The following DEUP1 variants were observed in gnomAD, a reference collection of about 807,000 sequenced individuals.
The protein encoded by DEUP1 is deuterosome assembly protein 1, also known as coiled-coil domain containing 67.
A neutral mutation model predicts 87.4 loss-of-function variants in DEUP1; 82 were observed. The observed-to-expected ratio is 0.94, with a 90% confidence interval of 0.78 to 1.13. DEUP1 has a LOEUF of 1.13. Ranked by LOEUF, DEUP1 falls within the 50% of genes most tolerant of loss-of-function variation. The pLI, the probability that DEUP1 is intolerant of heterozygous loss-of-function variation, is 0.00. For missense variants in DEUP1, 663 were observed against 681.5 expected (o/e 0.97, Z 0.30); for synonymous variants, 214 against 222.7 (o/e 0.96, Z 0.35).
At chr11:93,351,264 G>A (rs1180261957) in intron 2 of DEUP1, among the ~76,000 whole-genome samples, 1 of 151,982 alleles carries the variant, frequency 6.6e-6, no homozygotes, top group Admixed American at 6.6e-5. Flanking sequence ...TATTGATTGA[G>A]TAGATTACAT....
intron 2 of DEUP1, among the ~76,000 whole-genome samples, chr11:93,348,156 G>A (rs935949949): frequency 2.6e-5 from 4 of 152,096 alleles, no homozygotes; most frequent in Non-Finnish European, 2.9e-5. Context: ...ATTCTCTGAC[G>A]GTTATTTGTA....
chr11:93,364,519 T>A (rs538648535), intron 5 of DEUP1, among the ~76,000 whole-genome samples: 152 of 151,704 alleles, frequency 1.0e-3, no homozygotes, highest in Non-Finnish European at 1.9e-3. Context: ...ATCAGCATTT[T>A]GGGAGATTAA....
chr11:93,362,431 T>C (rs1945219700), intron 4 of DEUP1, among the ~76,000 whole-genome samples: 2 of 151,902 alleles, frequency 1.3e-5, no homozygotes, highest in African/African-American at 2.4e-5. Context: ...AAAGCAGATA[T>C]ATGAATGGCC....
intron 13 of DEUP1, among the ~76,000 whole-genome samples, chr11:93,415,676 G>C (rs1285090768): frequency 2.0e-5 from 3 of 151,550 alleles, no homozygotes; most frequent in Non-Finnish European, 2.9e-5. Flanking sequence ...CTGACTTTTA[G>C]CATTATCGAT....
chr11:93,376,473 GT>G (rs1946048025), intron 7 of DEUP1, among the ~76,000 whole-genome samples: 1 of 151,884 alleles, frequency 6.6e-6, no homozygotes, highest in African/African-American at 2.4e-5. Context: ...AATATCTCCT[GT>G]TTCATTTCTA....
chr11:93,385,247 AG>A (rs140986877), intron 7 of DEUP1, 150 bp from the exon 8 acceptor site: 196,166 of 747,186 alleles, frequency 0.26, 27,262 homozygotes, highest in South Asian at 0.39. Flanking sequence ...ACAAAAATGA[AG>A]GAATGGAATT....
At chr11:93,380,056 T>C (rs971377526) in intron 7 of DEUP1, among the ~76,000 whole-genome samples, 3 of 152,188 alleles carry the variant, frequency 2.0e-5, no homozygotes, top group African/African-American at 7.2e-5. Flanking sequence ...AATGCCTGGA[T>C]ACATGTTTGG....
intron 4 of DEUP1, among the ~76,000 whole-genome samples, chr11:93,362,695 G>C (rs1414126640): frequency 1.3e-5 from 2 of 151,696 alleles, no homozygotes; most frequent in Non-Finnish European, 3.0e-5. Context: ...TCCACTCCTA[G>C]GTATATACCC....
At chr11:93,345,060 CCATGTGTTCTCAT>C (rs2134176090) in intron 2 of DEUP1, among the ~76,000 whole-genome samples, 1 of 152,194 alleles carries the variant, frequency 6.6e-6, no homozygotes, top group South Asian at 2.1e-4. Context: ...TTCTATGTAT[CCATGTGTTCTCAT>C]CATTCAGCTC....
At chr11:93,372,519 C>T (rs1490806773) in intron 7 of DEUP1, among the ~76,000 whole-genome samples, 1 of 152,238 alleles carries the variant, frequency 6.6e-6, no homozygotes, top group South Asian at 2.1e-4. Flanking sequence ...ATTCCCCCAC[C>T]GTGCCACATC....
At chr11:93,407,988 A>G (rs1401030071) in intron 11 of DEUP1, among the ~76,000 whole-genome samples, 1 of 152,098 alleles carries the variant, frequency 6.6e-6, no homozygotes, top group Non-Finnish European at 1.5e-5. Context: ...GCACCATCCA[A>G]CAGTGGGGAT....
rs763762054 is a variant in DEUP1 at position 93,332,286 on chromosome 11, G to A, written c.27G>A (p.Met9Ile). The A allele has an allele frequency of 3.7e-6, 6 of 1,607,670 alleles. No individual in the cohort carries two copies. In the South Asian group the frequency reaches 4.5e-5, roughly 12 times the overall value. Residue 9 changes from methionine to isoleucine, a missense_variant and splice_region_variant, in exon 2 of 14, where the codon ATG becomes ATA. Transcript: ENST00000298050. MENQAHNTMGTSPCEAELQ... is the reference protein window; with the variant it reads MENQAHNTIGTSPCEAELQ... ...TGGAGAACCAAGCCCATAATACGATGGGGTAAGTGCTGAGAAATTTCTGTT... is the reference window on the plus strand; with the variant it reads ...TGGAGAACCAAGCCCATAATACGATAGGGTAAGTGCTGAGAAATTTCTGTT...
chr11:93,412,797 T>C (rs1947477300), intron 12 of DEUP1, among the ~76,000 whole-genome samples: 2 of 152,194 alleles, frequency 1.3e-5, no homozygotes, highest in Non-Finnish European at 2.9e-5. Context: ...GCAAATGTTA[T>C]AATTCTACTT....
intron 7 of DEUP1, among the ~76,000 whole-genome samples, chr11:93,383,921 G>A (rs1003316331): frequency 1.3e-5 from 2 of 152,146 alleles, no homozygotes; most frequent in African/African-American, 4.8e-5. Flanking sequence ...GTTATGAGTT[G>A]TGTAACTTTG....
chr11:93,395,263 C>T (rs984911284), intron 10 of DEUP1, among the ~76,000 whole-genome samples: 1 of 152,148 alleles, frequency 6.6e-6, no homozygotes, highest in Non-Finnish European at 1.5e-5. Flanking sequence ...ATCCCTTACT[C>T]ATGATCAAAT....
chr11:93,437,457 A>G (rs537615129), intron 13 of DEUP1, 86 bp from the exon 14 acceptor site: 2 of 964,986 alleles, frequency 2.1e-6, no homozygotes, highest in East Asian at 5.1e-5. Flanking sequence ...GTTTGACAGT[A>G]TGTCAGGGAT....
At chr11:93,396,630 C>A (rs1565333814) in intron 11 of DEUP1, among the ~76,000 whole-genome samples, 3 of 152,158 alleles carry the variant, frequency 2.0e-5, no homozygotes, top group African/African-American at 7.2e-5. Context: ...TCCTATGTGG[C>A]CTGATTCAAG....
chr11:93,395,135 A>C (rs1946900812), intron 10 of DEUP1, among the ~76,000 whole-genome samples: 1 of 152,216 alleles, frequency 6.6e-6, no homozygotes, highest in African/African-American at 2.4e-5. Flanking sequence ...CATGCAGTCA[A>C]TGCACAGCAT....
rs113668753 is a variant in DEUP1, at chr11:93,402,292, A to G, written c.1327-5939A>G. Among the ~76,000 whole-genome samples the G allele has an allele frequency of 3.3e-3, 509 of 152,218 alleles. 1 individual carries two copies. Among genetic ancestry groups the G allele is most frequent in the African/African-American group, 0.012 (486 of 41,570 alleles). On this transcript the variant is annotated intron_variant, in intron 11 of 13. Transcript: ENST00000298050. ...CTAATCATCAGAGAAACGCAAATCA[A>G]AACCGCAATCAGATATCATCACATT...
Sources: allele counts gnomAD v4.1 joint callset (sites outside exome capture counted in the v4.1 genomes callset), GRCh38; gene constraint gnomAD v4.1.1; transcripts MANE v1.5; gene names NCBI Gene and HGNC (gene_info 2026-07-23, HGNC 2026-07-21).